The following PKP4 variants were observed in gnomAD, a reference collection of about 807,000 sequenced individuals.
The protein encoded by PKP4 is plakophilin 4.
In PKP4, 90 loss-of-function variants were observed where a neutral mutation model predicts 145.1. The ratio of observed to expected loss-of-function variants is 0.62; its 90% CI spans 0.52 to 0.74. The LOEUF (loss-of-function observed/expected upper bound fraction) is 0.74, where lower values mean the gene tolerates loss of function less well. PKP4 is among the 30% of genes least tolerant of loss of function. PKP4 has a pLI of 0.00. For missense variants in PKP4, 1,340 were observed against 1,482.7 expected (o/e 0.90, Z 1.58); for synonymous variants, 563 against 577.2 (o/e 0.98, Z 0.35).
intron 1 of PKP4, among the ~76,000 whole-genome samples, chr2:158,478,303 C>T (rs1692809483): frequency 1.3e-5 from 2 of 151,736 alleles, no homozygotes; most frequent in South Asian, 4.2e-4. Flanking sequence ...TTCTCCCATT[C>T]AGTGAGTTAG....
At position 158,667,235 on chromosome 2, in the gene PKP4, AAAG is replaced by A. The variant is rs532997652; in HGVS notation, c.2728+677_2728+679del. 2.8e-3 allele frequency among the ~76,000 whole-genome samples: 422 copies of A among 152,308 alleles called. 2 individuals carry two copies. Among genetic ancestry groups the A allele is most frequent in the African/African-American group, 9.9e-3 (412 of 41,576 alleles). On this transcript the variant is annotated intron_variant, in intron 16 of 21. Transcript: ENST00000389759. ...CCACATCCTAGGCAGGATGCGGGCT[AAAG>A]AAGACATCAGGGACCCCCATAAACC...
At chr2:158,666,937 C>T (rs1214704170) in intron 16 of PKP4, among the ~76,000 whole-genome samples, 1 of 152,194 alleles carries the variant, frequency 6.6e-6, no homozygotes, top group Non-Finnish European at 1.5e-5. Context: ...CACTACCATA[C>T]TCTAAATAAA....
At chr2:158,677,317 T>TG (rs1296350294) in intron 20 of PKP4, 1 of 233,002 alleles carries the variant, frequency 4.3e-6, no homozygotes, top group Non-Finnish European at 8.7e-6. Flanking sequence ...TACATTTTCA[T>TG]GGAGAAGAGT....
intron 4 of PKP4, among the ~76,000 whole-genome samples, chr2:158,612,568 C>CT (rs1430795506): frequency 6.6e-6 from 1 of 152,104 alleles, no homozygotes; most frequent in Non-Finnish European, 1.5e-5. Context: ...CACCAGAAAG[C>CT]TTAACAATTT....
chr2:158,668,541 G>A (rs1011200061), intron 16 of PKP4, among the ~76,000 whole-genome samples: 3 of 152,318 alleles, frequency 2.0e-5, no homozygotes, highest in African/African-American at 4.8e-5. Context: ...GAGCTGCCTC[G>A]GCCTAACCCC....
chr2:158,495,864 A>C (rs979682983), intron 1 of PKP4, among the ~76,000 whole-genome samples: 5 of 149,624 alleles, frequency 3.3e-5, no homozygotes, highest in Non-Finnish European at 4.5e-5. Flanking sequence ...TAAATAAATA[A>C]ATAAATAAAT....
chr2:158,540,233 G>A (rs952902726), intron 2 of PKP4, among the ~76,000 whole-genome samples: 4 of 152,158 alleles, frequency 2.6e-5, no homozygotes, highest in Admixed American at 2.0e-4. Flanking sequence ...ATTTTAGGTT[G>A]TATTGACACT....
rs1401542726 is a variant in PKP4, at chr2:158,540,618, T to C, written c.132+7302T>C. Among the ~76,000 whole-genome samples the C allele has an allele frequency of 3.9e-5, 6 of 152,286 alleles. No individual in the cohort carries two copies. In the South Asian group the frequency reaches 1.0e-3, roughly 26 times the overall value. On this transcript the variant is annotated intron_variant, in intron 2 of 21. Coordinates refer to ENST00000389759, the MANE Select transcript of PKP4 (RefSeq NM_003628.6). ...TGACACATTATGAATATTCATTAAT[T>C]GATGCATAAGAGACAAGAATGTGTG...
intron 2 of PKP4, among the ~76,000 whole-genome samples, chr2:158,567,437 TTTTTA>T (rs1559334955): frequency 6.6e-6 from 1 of 152,212 alleles, no homozygotes; most frequent in African/African-American, 2.4e-5. Context: ...CTGAGTTGGC[TTTTTA>T]TAAGTAGTTT....
intron 1 of PKP4, among the ~76,000 whole-genome samples, chr2:158,528,669 G>GGAA (rs545406955): frequency 1.2e-5 from 1 of 86,016 alleles, no homozygotes; most frequent in African/African-American, 4.7e-5. Flanking sequence ...CTTACTAAAT[G>GGAA]AAAAAAAAAA....
At chr2:158,611,449 AAAAAAT>A (rs2051137901) in intron 4 of PKP4, among the ~76,000 whole-genome samples, 1 of 152,194 alleles carries the variant, frequency 6.6e-6, no homozygotes, top group Non-Finnish European at 1.5e-5. Flanking sequence ...GATGAGCTTT[AAAAAAT>A]AAAAATAAAA....
intron 6 of PKP4, among the ~76,000 whole-genome samples, chr2:158,623,354 T>A (rs564210738): frequency 2.0e-5 from 3 of 152,168 alleles, no homozygotes; most frequent in Non-Finnish European, 4.4e-5. Context: ...TTTTTGTTTG[T>A]TTGTTTTTTG....
chr2:158,464,313 A>G (rs1690244538), intron 1 of PKP4, among the ~76,000 whole-genome samples: 1 of 152,216 alleles, frequency 6.6e-6, no homozygotes, highest in African/African-American at 2.4e-5. Context: ...ATTCAAGTCT[A>G]ATTTTTACAT....
chr2:158,592,386 A>G (rs3821293), intron 3 of PKP4, among the ~76,000 whole-genome samples: 4,146 of 152,152 alleles, frequency 0.027, 153 homozygotes, highest in East Asian at 0.13. Flanking sequence ...CAGGATAGTT[A>G]TTAATAATCC....
chr2:158,597,206 A>T (rs1309471752), intron 3 of PKP4, among the ~76,000 whole-genome samples: 7 of 152,200 alleles, frequency 4.6e-5, no homozygotes, highest in Admixed American at 4.6e-4. Context: ...AATCCATACG[A>T]TATATGCAGT....
chr2:158,588,456 A>G (rs187537178), intron 3 of PKP4, among the ~76,000 whole-genome samples: 134 of 152,226 alleles, frequency 8.8e-4, no homozygotes, highest in Middle Eastern at 3.4e-3. Context: ...TTCATATGCT[A>G]TGGTCCATTT....
At chr2:158,489,077 C>A (rs896126167) in intron 1 of PKP4, among the ~76,000 whole-genome samples, 2 of 152,154 alleles carry the variant, frequency 1.3e-5, no homozygotes, top group Non-Finnish European at 2.9e-5. Flanking sequence ...AATTCACATT[C>A]TCTACATCCA....
At chr2:158,620,079 A>C (rs1057143100) in intron 4 of PKP4, among the ~76,000 whole-genome samples, 3 of 152,196 alleles carry the variant, frequency 2.0e-5, no homozygotes, top group African/African-American at 7.2e-5. Flanking sequence ...TCAGAATGTG[A>C]TAAGAACTTA....
At chr2:158,528,565 A>G (rs1311102844) in intron 1 of PKP4, among the ~76,000 whole-genome samples, 6 of 137,846 alleles carry the variant, frequency 4.4e-5, no homozygotes, top group Non-Finnish European at 9.3e-5. Flanking sequence ...GCAGCGCACC[A>G]GCATGGCACA....
Sources: allele counts gnomAD v4.1 joint callset (sites outside exome capture counted in the v4.1 genomes callset), GRCh38; gene constraint gnomAD v4.1.1; transcripts MANE v1.5; gene names NCBI Gene and HGNC (gene_info 2026-07-23, HGNC 2026-07-21).